DKK1: variants seen among roughly 807,000 people sequenced by gnomAD.
DKK1 encodes the protein dickkopf-related protein 1.
Under a neutral mutation model 26.0 loss-of-function variants are expected in DKK1, and 18 were observed. The ratio of observed to expected loss-of-function variants is 0.69; its 90% confidence interval spans 0.48 to 1.03. The LOEUF (loss-of-function observed/expected upper bound fraction) is 1.03. DKK1 is among the 50% of genes least tolerant of loss of function. The pLI, the probability that DKK1 is intolerant of heterozygous loss-of-function variation, is 0.00. For synonymous variants in DKK1, 130 were observed against 132.6 expected, an observed-to-expected ratio of 0.98 and a Z score of 0.13; for missense variants, 335 against 348.5, an observed-to-expected ratio of 0.96 and a Z score of 0.31.
Position 52,314,438 on chromosome 10 carries a change from A to T in DKK1, c.4A>T (p.Met2Leu), listed in dbSNP as rs1469298453. 6.2e-7 allele frequency: 1 copy of T among 1,613,768 alleles called. No homozygotes were observed. The highest frequency in any genetic ancestry group is 2.2e-5 in the East Asian group (1 of 44,834). Residue 2 changes from methionine to leucine, a missense_variant, in exon 1 of 4, where the codon ATG (methionine) becomes TTG (leucine). Transcript: ENST00000373970. The surrounding 1 kb of genome is among the most constrained non-coding windows in gnomAD (Gnocchi z 5.7). M[M>L]ALGAAGATRV... ...CTCCCTCTTGAGTCCTTCTGAGATG[A>T]TGGCTCTGGGCGCAGCGGGAGCTAC... is the stretch of plus-strand genomic sequence containing the variant.
rs1842622025 is a variant in DKK1 at position 52,316,771 on chromosome 10, T to C, written c.765T>C (p.Ser255=). The C allele has an allele frequency of 6.2e-7, 1 of 1,614,172 alleles. No homozygotes were observed. The highest frequency in any genetic ancestry group is 8.5e-7 in the Non-Finnish European group (1 of 1,180,000). The change falls in exon 4 of 4, where the codon AGT becomes AGC. Residue 255 remains serine (S), a synonymous_variant. Coordinates refer to ENST00000373970, the MANE Select transcript of DKK1 (RefSeq NM_012242.4). The part of the protein sequence containing the change: ...CRIQKDHHQA[S]NSSRLHTCQR... ...TACAGAAAGATCACCATCAAGCCAGTAATTCTTCTAGGCTTCACACTTGTC... is the reference window on the plus strand; with the variant it reads ...TACAGAAAGATCACCATCAAGCCAGCAATTCTTCTAGGCTTCACACTTGTC...
rs769482573 is a variant in DKK1 at position 52,316,691 on chromosome 10, C to T, written c.685C>T (p.His229Tyr). The change falls in exon 4 of 4, where the codon CAT becomes TAT. Residue 229 changes from histidine to tyrosine, a missense_variant. Transcript: ENST00000373970. ...VCTKHRRKGS[H>Y]GLEIFQRCYC... ...TACCAAGCATAGGAGAAAAGGCTCT[C>T]ATGGACTAGAAATATTCCAGCGTTG... 6 of 1,614,008 alleles carry T rather than the reference C, an allele frequency of 3.7e-6. No homozygotes were observed. In the East Asian group the frequency reaches 1.1e-4, roughly 30 times the overall value.
At chr10:52,315,148 G>A (rs1339143490) in intron 2 of DKK1, 63 bp downstream of exon 2, 4 of 709,296 alleles carry the variant, frequency 5.6e-6, no homozygotes, top group East Asian at 3.4e-5. Context: ...TATGAATTGG[G>A]CGGGGGCGGG....
Position 52,314,521 on chromosome 10 carries a change from G to T in DKK1, c.87G>T (p.Val29=), listed in dbSNP as rs1179261598. 1 of 1,613,814 alleles carries T rather than the reference G, an allele frequency of 6.2e-7. No homozygotes were observed. Among genetic ancestry groups the T allele is most frequent in the Admixed American group, 1.7e-5 (1 of 60,028 alleles). ...TCGGCGGCCACCCTCTGCTGGGAGTGAGCGCCACCTTGAACTCGGTTCTCA... is the reference window on the plus strand; with the variant it reads ...TCGGCGGCCACCCTCTGCTGGGAGTTAGCGCCACCTTGAACTCGGTTCTCA... ...AALGGHPLLG[V]SATLNSVLNS... is the part of the protein sequence containing the mutation. The change falls in exon 1 of 4, where the codon GTG becomes GTT. Residue 29 remains valine, a synonymous_variant. Coordinates refer to ENST00000373970, the MANE Select transcript of DKK1 (RefSeq NM_012242.4). The surrounding 1 kb of genome is among the most constrained non-coding windows in gnomAD (Gnocchi z 5.7).
In DKK1 at chr10:52,314,383, T is replaced by G. The variant is rs912750475; in HGVS notation, c.-52T>G. 1.2e-6 allele frequency: 2 copies of G among 1,605,654 alleles called. No homozygotes were observed. Among genetic ancestry groups the G allele is most frequent in the Non-Finnish European group, 1.7e-6 (2 of 1,175,650 alleles). The stretch of plus-strand genomic sequence containing the variant: ...GCACGGTTTCGTGGGGACCCAGGCT[T>G]GCAAAGTGACGGTCATTTTCTCTTT... On this transcript the variant is annotated 5_prime_UTR_variant, in exon 1 of 4. Coordinates refer to ENST00000373970, the MANE Select transcript of DKK1 (RefSeq NM_012242.4). This position sits in a 1 kb window ranked among gnomAD's most constrained non-coding sequence, Gnocchi z 5.7.
chr10:52,316,770 G>A lies in DKK1; in HGVS notation c.764G>A (p.Ser255Asn), dbSNP rs1439710451. 2.5e-6 allele frequency: 4 copies of A among 1,614,044 alleles called. No homozygotes were observed. The highest frequency in any genetic ancestry group is 2.7e-5 in the African/African-American group (2 of 74,918). The change falls in exon 4 of 4, where the codon AGT becomes AAT. Residue 255 changes from serine to asparagine, a missense_variant. Coordinates refer to ENST00000373970, the MANE Select transcript of DKK1 (RefSeq NM_012242.4). ...CRIQKDHHQASNSSRLHTCQR... is the reference protein window; with the variant it reads ...CRIQKDHHQANNSSRLHTCQR... ...ATACAGAAAGATCACCATCAAGCCA[G>A]TAATTCTTCTAGGCTTCACACTTGT... is the stretch of plus-strand genomic sequence containing the variant.
Position 52,317,092 on chromosome 10 carries a change from C to T in DKK1, c.*285C>T. On this transcript the variant is annotated 3_prime_UTR_variant, in exon 4 of 4. Coordinates refer to ENST00000373970, the MANE Select transcript of DKK1 (RefSeq NM_012242.4). ...AAAGGTGCTGCACTGCCTATTTTTC[C>T]TCTTGTTATGTAAATTTTTGTACAC... The T allele has an allele frequency of 2.8e-6, 1 of 352,250 alleles. No individual in the cohort carries two copies. The highest frequency in any genetic ancestry group is 4.2e-5 in the South Asian group (1 of 23,792). The allele number at this position is 352,250 out of a possible 1,614,324, so 21.8% of individuals were successfully genotyped here. A position where few individuals can be genotyped will look rare whatever the true frequency, so the allele number is the denominator to read the frequency against.
At position 52,316,452 on chromosome 10, in the gene DKK1, T is replaced by G. The variant is rs1037090476; in HGVS notation, c.547+17T>G. 6.2e-7 allele frequency: 1 copy of G among 1,613,306 alleles called. No individual in the cohort carries two copies. The highest frequency in any genetic ancestry group is 8.5e-7 in the Non-Finnish European group (1 of 1,179,744). ...ACACCAAAGGTAAGGATGTTAAGAC[T>G]CATTCTTAGCACATCAGAAGTGTCT... On this transcript the variant is annotated intron_variant, in intron 3 of 3. Coordinates refer to ENST00000373970, the MANE Select transcript of DKK1 (RefSeq NM_012242.4).
At chr10:52,315,228 C>T in intron 2 of DKK1, 143 bp downstream of exon 2, 1 of 761,016 alleles carries the variant, frequency 1.3e-6, no homozygotes, top group Non-Finnish European at 1.9e-6. Flanking sequence ...AATGGGTGTT[C>T]AGCATGCAGG....
In DKK1 at chr10:52,314,287, C is replaced by T; in HGVS notation, c.-148C>T. On this transcript the variant is annotated 5_prime_UTR_variant, in exon 1 of 4. Coordinates refer to ENST00000373970, the MANE Select transcript of DKK1 (RefSeq NM_012242.4). This position sits in a 1 kb window ranked among gnomAD's most constrained non-coding sequence, Gnocchi z 5.7. ...CCGCGGTGGCGGTGGCGGCGCAGAG[C>T]TCTGTGCTCCCTGCAGTCAGGACTC... 2 of 1,228,878 alleles carry T rather than the reference C, an allele frequency of 1.6e-6. No individual in the cohort carries two copies. The highest frequency in any genetic ancestry group is 2.3e-6 in the Non-Finnish European group (2 of 886,964). 76.1% of individuals were successfully genotyped at this position (1,228,878 alleles called of 1,614,324 possible). A position where few individuals can be genotyped will look rare whatever the true frequency, so the allele number is the denominator to read the frequency against.
intron 2 of DKK1, among the ~76,000 whole-genome samples, 194 bp from the exon 3 acceptor site, chr10:52,316,101 A>G (rs1357662976): frequency 6.6e-6 from 1 of 152,246 alleles, no homozygotes; most frequent in East Asian, 1.9e-4. Flanking sequence ...TGTATACAGT[A>G]TACACATTGG....
Position 52,316,809 on chromosome 10 carries a change from C to G in DKK1, c.*2C>G. 3 of 1,613,652 alleles carry G rather than the reference C, an allele frequency of 1.9e-6. No homozygotes were observed. Among genetic ancestry groups the G allele is most frequent in the Non-Finnish European group, 2.5e-6 (3 of 1,179,770 alleles). ...CTTCACACTTGTCAGAGACACTAAA[C>G]CAGCTATCCAAATGCAGTGAACTCC... is the stretch of plus-strand genomic sequence containing the variant. On this transcript the variant is annotated 3_prime_UTR_variant, in exon 4 of 4. Transcript: ENST00000373970.
chr10:52,316,652 G>A lies in DKK1; in HGVS notation c.646G>A (p.Glu216Lys). Residue 216 changes from glutamate (E) to lysine (K), a missense_variant, in exon 4 of 4, where the codon GAA becomes AAA. Glu to Lys is a moderately conservative substitution (Grantham distance 56). Coordinates refer to ENST00000373970, the MANE Select transcript of DKK1 (RefSeq NM_012242.4). ...WSKICKPVLK[E>K]GQVCTKHRRK... ...CAAGATCTGTAAACCTGTCCTGAAA[G>A]AAGGTCAAGTGTGTACCAAGCATAG... 6.2e-7 allele frequency: 1 copy of A among 1,614,104 alleles called. No homozygotes were observed. The highest frequency in any genetic ancestry group is 8.5e-7 in the Non-Finnish European group (1 of 1,180,018).
rs758149609 is a variant in DKK1, at chr10:52,316,747, A to G, written c.741A>G (p.Ile247Met). The change falls in exon 4 of 4, where the codon ATA becomes ATG. Residue 247 changes from isoleucine to methionine, a missense_variant. Coordinates refer to ENST00000373970, the MANE Select transcript of DKK1 (RefSeq NM_012242.4). ...GTGGAGAAGGTCTGTCTTGCCGGAT[A>G]CAGAAAGATCACCATCAAGCCAGTA... Reference protein sequence around the residue: ...CYCGEGLSCRIQKDHHQASNS... With the variant: ...CYCGEGLSCRMQKDHHQASNS... 4 of 1,614,190 alleles carry G rather than the reference A, an allele frequency of 2.5e-6. No individual in the cohort carries two copies. In the South Asian group the frequency reaches 4.4e-5, roughly 18 times the overall value.
Position 52,317,039 on chromosome 10 carries a change from A to G in DKK1, c.*232A>G. On this transcript the variant is annotated 3_prime_UTR_variant, in exon 4 of 4. Coordinates refer to ENST00000373970, the MANE Select transcript of DKK1 (RefSeq NM_012242.4). Reference sequence around the variant, plus strand: ...TTCTCAGTGTGGCACTTACCTGTAAATGCAATGAAACTTTTAATTATTTTT... The same window carrying G: ...TTCTCAGTGTGGCACTTACCTGTAAGTGCAATGAAACTTTTAATTATTTTT... 3.9e-6 allele frequency: 2 copies of G among 507,826 alleles called. No homozygotes were observed. Among genetic ancestry groups the G allele is most frequent in the Non-Finnish European group, 6.9e-6 (2 of 289,474 alleles). The allele number at this position is 507,826 out of a possible 1,614,324, so 31.5% of individuals were successfully genotyped here.
Position 52,316,909 on chromosome 10 carries a change from G to C in DKK1, c.*102G>C. The C allele has an allele frequency of 7.2e-7, 1 of 1,396,274 alleles. No individual in the cohort carries two copies. The highest frequency in any genetic ancestry group is 2.3e-5 in the East Asian group (1 of 42,632). The allele number at this position is 1,396,274 out of a possible 1,614,324, so 86.5% of individuals were successfully genotyped here. ...ATCCTAAGGATATACAAGTTCTGTG[G>C]TTTCAGTTAAGCATTCCAATAACAC... On this transcript the variant is annotated 3_prime_UTR_variant, in exon 4 of 4. Coordinates refer to ENST00000373970, the MANE Select transcript of DKK1 (RefSeq NM_012242.4).
At chr10:52,316,179 T>C in intron 2 of DKK1, 116 bp from the exon 3 acceptor site, 1 of 1,281,400 alleles carries the variant, frequency 7.8e-7, no homozygotes, top group Non-Finnish European at 1.1e-6. Flanking sequence ...TTTAAAATGA[T>C]GTCACTGCAA....
chr10:52,314,540 G>C lies in DKK1; in HGVS notation c.106G>C (p.Val36Leu), dbSNP rs776643011. The C allele has an allele frequency of 1.2e-6, 2 of 1,613,730 alleles. No homozygotes were observed. The highest frequency in any genetic ancestry group is 1.7e-6 in the Non-Finnish European group (2 of 1,180,016). The change falls in exon 1 of 4, where the codon GTT (valine) becomes CTT (leucine). Residue 36 changes from valine (V) to leucine (L), a missense_variant. Physicochemically the swap from Val to Leu is conservative, Grantham distance 32. Coordinates refer to ENST00000373970, the MANE Select transcript of DKK1 (RefSeq NM_012242.4). The surrounding 1 kb of genome is among the most constrained non-coding windows in gnomAD (Gnocchi z 5.7). ...LLGVSATLNSVLNSNAIKNLP... is the reference protein window; with the variant it reads ...LLGVSATLNSLLNSNAIKNLP... ...GGGAGTGAGCGCCACCTTGAACTCGGTTCTCAATTCCAACGCTATCAAGAA... is the reference window on the plus strand; with the variant it reads ...GGGAGTGAGCGCCACCTTGAACTCGCTTCTCAATTCCAACGCTATCAAGAA...
At position 52,315,550 on chromosome 10, in the gene DKK1, A is replaced by T. The variant is rs576233148; in HGVS notation, c.406+465A>T. Among the ~76,000 whole-genome samples the T allele has an allele frequency of 4.6e-5, 7 of 152,196 alleles. No homozygotes were observed. In the South Asian group the frequency reaches 1.5e-3, roughly 32 times the overall value. Reference sequence around the variant, plus strand: ...GGCCTCGCCTTCTGATTTTTGCTGAAACTGTTGTCAGCCAGAGGACTGATT... The same window carrying T: ...GGCCTCGCCTTCTGATTTTTGCTGATACTGTTGTCAGCCAGAGGACTGATT... On this transcript the variant is annotated intron_variant, in intron 2 of 3. Transcript: ENST00000373970.
Sources: allele counts gnomAD v4.1 joint callset (sites outside exome capture counted in the v4.1 genomes callset), GRCh38; gene constraint gnomAD v4.1.1; non-coding constraint Gnocchi (gnomAD v3.1); transcripts MANE v1.5; gene names NCBI Gene and HGNC (gene_info 2026-07-23, HGNC 2026-07-21).